The following RHEB variants were observed in gnomAD, a reference collection of about 807,000 sequenced individuals.
RHEB encodes the protein GTP-binding protein Rheb.
A neutral mutation model predicts 28.8 loss-of-function variants in RHEB; 2 were observed. The ratio of observed to expected loss-of-function variants is 0.07; its 90% confidence interval spans 0.03 to 0.22. The LOEUF (loss-of-function observed/expected upper bound fraction) is 0.22, where lower values mean the gene tolerates loss of function less well. RHEB is among the 10% of genes least tolerant of loss of function. The probability of loss-of-function intolerance (pLI) is 1.00; values close to 1 mark genes in which losing one functional copy is unlikely to be tolerated. For synonymous variants in RHEB, 69 were observed against 77.3 expected, an observed-to-expected ratio of 0.89 and a Z score of 0.56; for missense variants, 76 against 219.9, an observed-to-expected ratio of 0.35 and a Z score of 4.14.
intron 1 of RHEB, among the ~76,000 whole-genome samples, chr7:151,498,500 G>A (rs569832131): frequency 6.6e-6 from 1 of 152,158 alleles, no homozygotes; most frequent in East Asian, 1.9e-4. Context: ...GGTAGTGCAC[G>A]CCCATGCTCC....
intron 3 of RHEB, among the ~76,000 whole-genome samples, chr7:151,484,515 A>G (rs1414929573): frequency 1.3e-5 from 2 of 152,180 alleles, no homozygotes; most frequent in Non-Finnish European, 2.9e-5. Context: ...GTAAACCAAA[A>G]ATATCATGAG....
chr7:151,500,227 G>A (rs1802749948), intron 1 of RHEB, among the ~76,000 whole-genome samples: 1 of 152,142 alleles, frequency 6.6e-6, no homozygotes, highest in South Asian at 2.1e-4. Flanking sequence ...CTGAAAAATG[G>A]ACTAGAAATA....
chr7:151,469,739 G>A (rs147043262), intron 7 of RHEB, among the ~76,000 whole-genome samples: 35 of 152,318 alleles, frequency 2.3e-4, no homozygotes, highest in African/African-American at 7.9e-4. Context: ...AGGAGATGGT[G>A]TGTTTAAGGA....
In RHEB at chr7:151,511,057, G is replaced by A. The variant is rs184289678; in HGVS notation, c.52+8403C>T. Among the ~76,000 whole-genome samples, 186 of 151,514 alleles carry A rather than the reference G, an allele frequency of 1.2e-3. 1 individual carries two copies. The highest frequency in any genetic ancestry group is 1.8e-3 in the Non-Finnish European group (121 of 67,960). On this transcript the variant is annotated intron_variant, in intron 1 of 7. Transcript: ENST00000262187. ...CGCGACATTGCACTGCAGCCTGGAT[G>A]ACACAGTGAGACTCCGTCTCAAAAA... is the stretch of plus-strand genomic sequence containing the variant.
chr7:151,477,867 G>A (rs766376748), intron 3 of RHEB, among the ~76,000 whole-genome samples: 14 of 152,132 alleles, frequency 9.2e-5, no homozygotes, highest in African/African-American at 1.4e-4. Flanking sequence ...AATGACCTGA[G>A]CTTCAGTCTA....
intron 1 of RHEB, among the ~76,000 whole-genome samples, chr7:151,504,622 T>TA (rs1802833972): frequency 6.6e-6 from 1 of 152,136 alleles, no homozygotes; most frequent in African/African-American, 2.4e-5. Context: ...TAAATACTGG[T>TA]ATATGTACAC....
intron 3 of RHEB, among the ~76,000 whole-genome samples, chr7:151,483,632 CT>C (rs1394063245): frequency 6.6e-6 from 1 of 152,152 alleles, no homozygotes; most frequent in Non-Finnish European, 1.5e-5. Flanking sequence ...AGGAGAATTG[CT>C]TTAACTCAGG....
intron 3 of RHEB, among the ~76,000 whole-genome samples, chr7:151,482,909 G>A (rs543057119): frequency 2.6e-5 from 4 of 151,998 alleles, no homozygotes; most frequent in Non-Finnish European, 5.9e-5. Flanking sequence ...CCATGCCCCC[G>A]ACCCCCTAAC....
chr7:151,475,105 C>G (rs773595975), intron 4 of RHEB, among the ~76,000 whole-genome samples: 1 of 152,224 alleles, frequency 6.6e-6, no homozygotes, highest in Non-Finnish European at 1.5e-5. Context: ...TTTTTGTCCT[C>G]TGCTTTGCAC....
At chr7:151,510,001 G>A (rs77922520) in intron 1 of RHEB, among the ~76,000 whole-genome samples, 595 of 152,254 alleles carry the variant, frequency 3.9e-3, no homozygotes, top group Admixed American at 6.2e-3. Flanking sequence ...ATAGATCATC[G>A]TCTTATTTGT....
chr7:151,513,444 G>C (rs1803025138), intron 1 of RHEB, among the ~76,000 whole-genome samples: 1 of 152,232 alleles, frequency 6.6e-6, no homozygotes, highest in East Asian at 1.9e-4. Flanking sequence ...AGCGAACAGT[G>C]TTCTAAAACT....
At chr7:151,470,732 C>T (rs1802146470) in intron 6 of RHEB, 80 bp from the exon 7 acceptor site, 4 of 992,720 alleles carry the variant, frequency 4.0e-6, no homozygotes, top group East Asian at 2.6e-5. Context: ...ATGAAACAGG[C>T]TCCATTTTGG....
In RHEB at chr7:151,472,582, T is replaced by C. The variant is rs1802182527; in HGVS notation, c.276-977A>G. Among the ~76,000 whole-genome samples, 2 of 152,228 alleles carry C rather than the reference T, an allele frequency of 1.3e-5. No homozygotes were observed. Among genetic ancestry groups the C allele is most frequent in the Admixed American group, 1.3e-4 (2 of 15,284 alleles). ...TTACACCTCTTCTGTTTACCCTAAATGACAAATTTCCTTTCCATTTCTTAC... is the reference window on the plus strand; with the variant it reads ...TTACACCTCTTCTGTTTACCCTAAACGACAAATTTCCTTTCCATTTCTTAC... On this transcript the variant is annotated intron_variant, in intron 4 of 7. Transcript: ENST00000262187. The surrounding 1 kb of genome is among the most constrained non-coding windows in gnomAD (Gnocchi z 5.2).
chr7:151,490,029 A>G (rs995324108), intron 2 of RHEB, among the ~76,000 whole-genome samples: 1 of 152,194 alleles, frequency 6.6e-6, no homozygotes, highest in African/African-American at 2.4e-5. Flanking sequence ...CAAATCCTAG[A>G]TAAGTCCTGG....
rs73478519 is a variant in RHEB, at chr7:151,509,839, G to A, written c.52+9621C>T. On this transcript the variant is annotated intron_variant, in intron 1 of 7. Coordinates refer to ENST00000262187, the MANE Select transcript of RHEB (RefSeq NM_005614.4). ...ATAAATAAAGTTTTACTAGCACACA[G>A]CCACACCCACTCGTTGATGTATTGT... is the stretch of plus-strand genomic sequence containing the variant. Among the ~76,000 whole-genome samples, 821 of 152,286 alleles carry A rather than the reference G, an allele frequency of 5.4e-3. 8 individuals are homozygous for A. The highest frequency in any genetic ancestry group is 0.018 in the African/African-American group (766 of 41,560).
Position 151,466,489 on chromosome 7 carries a change from C to G in RHEB, c.*630G>C, listed in dbSNP as rs1802065139. ...CTGGGGAGGAACTCCCCTCACAGAC[C>G]CCCCAGGGCCACTCAGCTTCAATCA... On this transcript the variant is annotated 3_prime_UTR_variant, in exon 8 of 8. Coordinates refer to ENST00000262187, the MANE Select transcript of RHEB (RefSeq NM_005614.4). 6.6e-6 allele frequency: 1 copy of G among 152,476 alleles called. No homozygotes were observed. Among genetic ancestry groups the G allele is most frequent in the East Asian group, 1.9e-4 (1 of 5,210 alleles). 9.4% of individuals were successfully genotyped at this position (152,476 alleles called of 1,614,324 possible).
chr7:151,502,310 G>T, intron 1 of RHEB: 1 of 776,376 alleles, frequency 1.3e-6, no homozygotes, highest in Admixed American at 1.9e-5. Context: ...TCCTCCCAAA[G>T]ACCAGATTTC....
intron 1 of RHEB, among the ~76,000 whole-genome samples, chr7:151,497,270 C>G (rs1420337858): frequency 2.0e-5 from 3 of 152,138 alleles, no homozygotes; most frequent in Non-Finnish European, 4.4e-5. Flanking sequence ...AATTCTTTCT[C>G]AAAGTGTGGG....
At chr7:151,478,363 T>C (rs11977530) in intron 3 of RHEB, among the ~76,000 whole-genome samples, 8,963 of 150,618 alleles carry the variant, frequency 0.06, 844 homozygotes, top group African/African-American at 0.21. Flanking sequence ...CCAGAATTAC[T>C]GCCCTATGGT....
Sources: allele counts gnomAD v4.1 joint callset (sites outside exome capture counted in the v4.1 genomes callset), GRCh38; gene constraint gnomAD v4.1.1; non-coding constraint Gnocchi (gnomAD v3.1); transcripts MANE v1.5; gene names NCBI Gene and HGNC (gene_info 2026-07-23, HGNC 2026-07-21).